Variants in ZFAT observed in about 807,000 individuals in gnomAD.
ZFAT encodes the protein zinc finger protein ZFAT.
In ZFAT, 64 loss-of-function variants were observed where a neutral mutation model predicts 117.7. That is an observed-to-expected ratio of 0.54 (90% CI 0.44 to 0.67). The LOEUF (loss-of-function observed/expected upper bound fraction) is 0.67, where lower values mean the gene tolerates loss of function less well. Among genes scored for constraint, ZFAT ranks in the 30% least tolerant of loss-of-function variants. The pLI, the probability that ZFAT is intolerant of heterozygous loss-of-function variation, is 0.00. For missense variants in ZFAT, 1,433 were observed against 1,584.5 expected (o/e 0.90, Z 1.62); for synonymous variants, 679 against 615.0 (o/e 1.10, Z -1.54).
At chr8:134,587,849 G>A (rs1438135182) in intron 9 of ZFAT, among the ~76,000 whole-genome samples, 2 of 152,162 alleles carry the variant, frequency 1.3e-5, no homozygotes, top group East Asian at 1.9e-4. Flanking sequence ...AGAACTACTT[G>A]CTGCCCTCCT....
intron 13 of ZFAT, among the ~76,000 whole-genome samples, chr8:134,514,205 C>A (rs1199241268): frequency 6.6e-6 from 1 of 152,218 alleles, no homozygotes; most frequent in East Asian, 1.9e-4. Context: ...AGTATGGAGT[C>A]AACTACCCAG....
the ZFAT span, among the ~76,000 whole-genome samples, chr8:134,820,274 G>A: frequency 6.6e-6 from 1 of 152,142 alleles, no homozygotes; most frequent in African/African-American, 2.4e-5. Context: ...TTCAGCCTAG[G>A]GATGAGATGG....
intron 2 of ZFAT, among the ~76,000 whole-genome samples, chr8:134,641,377 C>G (rs550906443): frequency 6.6e-6 from 1 of 152,164 alleles, no homozygotes; most frequent in Non-Finnish European, 1.5e-5. Context: ...ACTATTCTCC[C>G]AAGCTGTGAC....
intron 11 of ZFAT, among the ~76,000 whole-genome samples, chr8:134,554,098 C>T (rs1442401350): frequency 2.0e-5 from 3 of 152,234 alleles, no homozygotes; most frequent in Non-Finnish European, 4.4e-5. Context: ...CGTGACTCTG[C>T]ACCCACCCAG....
chr8:134,715,479 T>G (rs755583868), upstream of ZFAT, among the ~76,000 whole-genome samples: 6 of 152,238 alleles, frequency 3.9e-5, no homozygotes, highest in Non-Finnish European at 8.8e-5. Flanking sequence ...TCCAGGTTCG[T>G]AAATGGAGAG....
intron 3 of ZFAT, among the ~76,000 whole-genome samples, chr8:134,614,044 A>T (rs773235590): frequency 3.3e-5 from 5 of 151,964 alleles, no homozygotes; most frequent in Admixed American, 6.6e-5. Context: ...TGACTAACAC[A>T]CTCTCCGAAC....
intron 11 of ZFAT, among the ~76,000 whole-genome samples, chr8:134,561,549 A>G (rs1239191309): frequency 6.6e-6 from 1 of 152,256 alleles, no homozygotes; most frequent in African/African-American, 2.4e-5. Flanking sequence ...TGAACACATT[A>G]ATTTTATTTT....
chr8:134,557,957 C>T (rs150995774), intron 11 of ZFAT, among the ~76,000 whole-genome samples: 62 of 152,296 alleles, frequency 4.1e-4, no homozygotes, highest in African/African-American at 1.4e-3. Flanking sequence ...TTGCAGAATT[C>T]AAAACCCAGT....
chr8:134,716,093 C>A (rs1461802120), upstream of ZFAT, among the ~76,000 whole-genome samples: 2 of 151,646 alleles, frequency 1.3e-5, no homozygotes, highest in African/African-American at 2.4e-5. Context: ...TGCCACTGCA[C>A]TCCTCCAACC....
chr8:134,720,693 G>A, the ZFAT span, among the ~76,000 whole-genome samples: 8 of 152,230 alleles, frequency 5.3e-5, no homozygotes, highest in Admixed American at 2.0e-4. Context: ...CAGTAAGCAG[G>A]CATTTTCCAG....
At chr8:134,603,161 T>G (rs1419979194) in intron 5 of ZFAT, among the ~76,000 whole-genome samples, 1 of 152,114 alleles carries the variant, frequency 6.6e-6, no homozygotes, top group Non-Finnish European at 1.5e-5. Flanking sequence ...GGCAAATATT[T>G]GCATGACAGC....
chr8:134,632,598 G>A (rs1187468697), intron 3 of ZFAT, among the ~76,000 whole-genome samples: 1 of 152,032 alleles, frequency 6.6e-6, no homozygotes, highest in Non-Finnish European at 1.5e-5. Flanking sequence ...TTAAATTGGA[G>A]GGGATATGAG....
At chr8:134,601,103 C>G (rs1827407946) in intron 6 of ZFAT, among the ~76,000 whole-genome samples, 1 of 152,206 alleles carries the variant, frequency 6.6e-6, no homozygotes. Context: ...GACCTCCCTA[C>G]AGAGAGCTGC....
At chr8:134,647,521 T>C (rs561879281) in intron 2 of ZFAT, among the ~76,000 whole-genome samples, 3 of 152,322 alleles carry the variant, frequency 2.0e-5, no homozygotes, top group African/African-American at 7.2e-5. Flanking sequence ...TTGGAAGTCC[T>C]AGCCAGAGTA....
At chr8:134,723,770 T>C in the ZFAT span, 1 of 152,126 alleles carries the variant, frequency 6.6e-6, no homozygotes, top group African/African-American at 2.4e-5. Flanking sequence ...CATTTCAACC[T>C]GTAACAGGGT....
chr8:134,682,309 A>G (rs1833107836), intron 1 of ZFAT, among the ~76,000 whole-genome samples: 1 of 152,238 alleles, frequency 6.6e-6, no homozygotes, highest in Non-Finnish European at 1.5e-5. Context: ...ACTCAGAGAC[A>G]CTAGCTTCTC....
Position 134,569,569 on chromosome 8 carries a change from C to T in ZFAT, c.2888-4148G>A, listed in dbSNP as rs138415195. 1.8e-3 allele frequency among the ~76,000 whole-genome samples: 281 copies of T among 152,270 alleles called. 1 individual carries two copies. Among genetic ancestry groups the T allele is most frequent in the African/African-American group, 6.4e-3 (264 of 41,548 alleles). On this transcript the variant is annotated intron_variant, in intron 10 of 15. Transcript: ENST00000377838. ...GTTCTCTTTCTGGCCCTGTCCTGCT[C>T]ACCCTGAGTGACCCTGGGTTCTTTC...
intron 12 of ZFAT, among the ~76,000 whole-genome samples, chr8:134,526,993 C>T (rs1052808711): frequency 6.6e-6 from 1 of 152,048 alleles, no homozygotes; most frequent in Non-Finnish European, 1.5e-5. Context: ...ATGGCAAAAA[C>T]GATGTGATTC....
the ZFAT span, among the ~76,000 whole-genome samples, chr8:134,817,450 T>G: frequency 2.3e-4 from 17 of 74,300 alleles, no homozygotes; most frequent in African/African-American, 1.1e-3. Context: ...GCACCCTTAT[T>G]GATTGTTTCT....
Sources: allele counts gnomAD v4.1 joint callset (sites outside exome capture counted in the v4.1 genomes callset), GRCh38; gene constraint gnomAD v4.1.1; transcripts MANE v1.5; gene names NCBI Gene and HGNC (gene_info 2026-07-23, HGNC 2026-07-21).